PCDH15: variants seen among roughly 807,000 people sequenced by gnomAD.
PCDH15 encodes protocadherin-15.
PCDH15 carries 129 observed loss-of-function variants against 178.5 expected under a neutral mutation model. The ratio of observed to expected loss-of-function variants is 0.72; its 90% CI spans 0.63 to 0.84. The LOEUF (loss-of-function observed/expected upper bound fraction) is 0.84, where lower values mean the gene tolerates loss of function less well. Among genes scored for constraint, PCDH15 ranks in the 40% least tolerant of loss-of-function variants. PCDH15 has a pLI of 0.00. For synonymous variants in PCDH15, 800 were observed against 732.0 expected, an observed-to-expected ratio of 1.09 and a Z score of -1.50; for missense variants, 2,230 against 2,099.9, an observed-to-expected ratio of 1.06 and a Z score of -1.21.
chr10:53,818,980 TA>T (rs1002529879), intron 33 of PCDH15, among the ~76,000 whole-genome samples: 5 of 151,470 alleles, frequency 3.3e-5, no homozygotes, highest in African/African-American at 1.2e-4. Context: ...AAACTGTTTG[TA>T]AAAAAAAGTA....
At chr10:55,535,192 A>C (rs1841545895) in intron 2 of PCDH15, among the ~76,000 whole-genome samples, 1 of 152,118 alleles carries the variant, frequency 6.6e-6, no homozygotes, top group Non-Finnish European at 1.5e-5. Context: ...TTTGAAAAAA[A>C]TAAAATAAAA....
chr10:54,272,740 A>G (rs1188338887), intron 8 of PCDH15, among the ~76,000 whole-genome samples: 1 of 152,142 alleles, frequency 6.6e-6, no homozygotes, highest in Non-Finnish European at 1.5e-5. Context: ...ACTGTCTTAC[A>G]GTGCATAGGG....
At chr10:54,855,803 G>A (rs929932155) in intron 3 of PCDH15, among the ~76,000 whole-genome samples, 1 of 152,166 alleles carries the variant, frequency 6.6e-6, no homozygotes, top group Non-Finnish European at 1.5e-5. Context: ...TGTGTTCACT[G>A]AGTAGCATTG....
At chr10:54,001,334 A>T (rs985234405) in intron 20 of PCDH15, among the ~76,000 whole-genome samples, 4 of 152,294 alleles carry the variant, frequency 2.6e-5, no homozygotes, top group Admixed American at 6.5e-5. Context: ...TCTTATGTTA[A>T]GTAGAAAGAC....
intron 21 of PCDH15, among the ~76,000 whole-genome samples, chr10:53,993,268 T>G (rs1326573314): frequency 2.0e-5 from 3 of 152,204 alleles, no homozygotes; most frequent in Non-Finnish European, 4.4e-5. Context: ...CTGGCACATT[T>G]TGTCAATCCT....
At chr10:55,538,220 A>G (rs1212785395) in intron 2 of PCDH15, among the ~76,000 whole-genome samples, 1 of 152,202 alleles carries the variant, frequency 6.6e-6, no homozygotes, top group East Asian at 1.9e-4. Context: ...CAATGCGTTT[A>G]TCAGTTTTAT....
chr10:54,516,062 A>G (rs1032271535), intron 3 of PCDH15, among the ~76,000 whole-genome samples: 1 of 152,240 alleles, frequency 6.6e-6, no homozygotes, highest in African/African-American at 2.4e-5. Context: ...CAGAGCAGAA[A>G]AACTGGAAAC....
intron 5 of PCDH15, among the ~76,000 whole-genome samples, chr10:54,368,124 A>G (rs1218982956): frequency 6.6e-6 from 1 of 151,926 alleles, no homozygotes; most frequent in Non-Finnish European, 1.5e-5. Context: ...TTTTGTTTTT[A>G]AGTTATATAA....
intron 2 of PCDH15, among the ~76,000 whole-genome samples, chr10:54,573,126 A>G (rs563560167): frequency 6.6e-6 from 1 of 152,188 alleles, no homozygotes; most frequent in African/African-American, 2.4e-5. Flanking sequence ...ACATGCGTAT[A>G]TATAATTTTT....
chr10:55,094,305 AC>A (rs1842392840), intron 2 of PCDH15, among the ~76,000 whole-genome samples: 1 of 150,254 alleles, frequency 6.7e-6, no homozygotes, highest in Admixed American at 6.6e-5. Context: ...AAAACCAAAC[AC>A]CGCATGTTCT....
At chr10:54,816,865 G>T (rs1039159512) in intron 3 of PCDH15, among the ~76,000 whole-genome samples, 1 of 151,934 alleles carries the variant, frequency 6.6e-6, no homozygotes, top group Admixed American at 6.6e-5. Context: ...CAACAGTTTT[G>T]AGCTACATTG....
intron 2 of PCDH15, among the ~76,000 whole-genome samples, chr10:55,164,975 A>G (rs1382002275): frequency 6.6e-6 from 1 of 152,112 alleles, no homozygotes; most frequent in Non-Finnish European, 1.5e-5. Context: ...ATAATTATCT[A>G]TTTATCTATC....
chr10:55,080,916 CT>C (rs1842025556), intron 2 of PCDH15, among the ~76,000 whole-genome samples: 1 of 152,122 alleles, frequency 6.6e-6, no homozygotes. Flanking sequence ...GCAATAACTG[CT>C]GTAGCAGTAT....
intron 3 of PCDH15, among the ~76,000 whole-genome samples, chr10:54,488,451 T>TAA (rs1287010663): frequency 2.7e-5 from 4 of 146,872 alleles, no homozygotes; most frequent in African/African-American, 7.4e-5. Context: ...TAAGGTATGG[T>TAA]AAAAAAAAAA....
At chr10:54,158,291 A>T (rs2045359617) in intron 13 of PCDH15, among the ~76,000 whole-genome samples, 1 of 152,198 alleles carries the variant, frequency 6.6e-6, no homozygotes, top group African/African-American at 2.4e-5. Flanking sequence ...GAGGTCTCAC[A>T]ATCATGGCAG....
At chr10:55,021,471 C>T (rs780262135) in intron 2 of PCDH15, among the ~76,000 whole-genome samples, 1 of 152,090 alleles carries the variant, frequency 6.6e-6, no homozygotes, top group South Asian at 2.1e-4. Flanking sequence ...AGGATGTGTT[C>T]GGGTGTCTTT....
intron 5 of PCDH15, among the ~76,000 whole-genome samples, chr10:54,355,459 T>C (rs748313678): frequency 3.9e-5 from 6 of 152,040 alleles, no homozygotes; most frequent in Admixed American, 2.0e-4. Flanking sequence ...CAGTGTCTTG[T>C]TTAAAAGTAT....
chr10:55,505,913 A>G (rs1840749717), intron 2 of PCDH15, among the ~76,000 whole-genome samples: 2 of 151,422 alleles, frequency 1.3e-5, no homozygotes, highest in African/African-American at 4.8e-5. Flanking sequence ...AAGTAAAGAG[A>G]TTGAAAAATA....
chr10:54,670,016 T>C (rs1232241164), intron 1 of PCDH15, among the ~76,000 whole-genome samples: 4 of 152,106 alleles, frequency 2.6e-5, no homozygotes, highest in Non-Finnish European at 5.9e-5. Context: ...ATTGCACCAC[T>C]GCACTTCAGC....
Sources: gnomAD v4.1 joint callset for allele counts (sites outside exome capture counted in the v4.1 genomes callset) on GRCh38, gnomAD v4.1.1 for gene constraint, MANE v1.5 for transcripts, NCBI Gene and HGNC (gene_info 2026-07-23, HGNC 2026-07-21) for gene names.